Variants in TEX36 observed in about 807,000 individuals in gnomAD.
TEX36 encodes the protein testis expressed 36, also known as testis-expressed protein 36.
Under a neutral mutation model 13.6 loss-of-function variants are expected in TEX36, and 12 were observed. The ratio of observed to expected loss-of-function variants is 0.88; its 90% CI spans 0.56 to 1.43. TEX36 has a LOEUF of 1.43. Among genes scored for constraint, TEX36 ranks in the 40% most tolerant of loss-of-function variants. TEX36 has a pLI of 0.00. For synonymous variants in TEX36, 93 were observed against 83.0 expected, an observed-to-expected ratio of 1.12 and a Z score of -0.65; for missense variants, 224 against 228.3, an observed-to-expected ratio of 0.98 and a Z score of 0.12.
chr10:125,680,736 A>G (rs898718589), intron 1 of TEX36, among the ~76,000 whole-genome samples: 80 of 152,352 alleles, frequency 5.3e-4, no homozygotes, highest in African/African-American at 1.9e-3. Context: ...CTTCATGATC[A>G]GCACTATTCT....
rs544847705 is a variant in TEX36, at chr10:125,647,729, G to GGGGTCAGGGAATTCCCTTTCCT, written c.264+13270_264+13291dup. ...GCATTGCCTCACCCAGGAAGCACAAGGGGTCAGGGAATTCCCTTTCCTAGC... is the reference window on the plus strand; with the variant it reads ...GCATTGCCTCACCCAGGAAGCACAAGGGGTCAGGGAATTCCCTTTCCTGGGTCAGGGAATTCCCTTTCCTAGC... On this transcript the variant is annotated intron_variant, in intron 3 of 3. Transcript: ENST00000526819. Among the ~76,000 whole-genome samples, 705 of 152,232 alleles carry GGGGTCAGGGAATTCCCTTTCCT rather than the reference G, an allele frequency of 4.6e-3. 8 individuals carry two copies. The highest frequency in any genetic ancestry group is 5.7e-3 in the Non-Finnish European group (389 of 68,018).
intron 3 of TEX36, among the ~76,000 whole-genome samples, chr10:125,645,102 G>A (rs76620145): frequency 6.6e-6 from 1 of 152,340 alleles, no homozygotes; most frequent in African/African-American, 2.4e-5. Flanking sequence ...ATTTTAGCCT[G>A]TAAGACCTTG....
Position 125,667,009 on chromosome 10 carries a change from C to T in TEX36, c.52-5032G>A. ...ACTCCTCCTGGGCAGCCTTCAGGTT[C>T]TCCTTCTTCCTGCCCCAGGCCTTCA... is the stretch of plus-strand genomic sequence containing the variant. On this transcript the variant is annotated intron_variant, in intron 1 of 3. Coordinates refer to ENST00000368821, the MANE Select transcript of TEX36 (RefSeq NM_001128202.3). The T allele has an allele frequency of 2.8e-6, 4 of 1,448,382 alleles. No homozygotes were observed. In the South Asian group the frequency reaches 5.2e-5, roughly 19 times the overall value. The allele number at this position is 1,448,382 out of a possible 1,614,324, so 89.7% of individuals were successfully genotyped here. A position where few individuals can be genotyped will look rare whatever the true frequency, so the allele number is the denominator to read the frequency against.
At chr10:125,600,775 C>T (rs1228891747) in intron 3 of TEX36, among the ~76,000 whole-genome samples, 2 of 152,172 alleles carry the variant, frequency 1.3e-5, no homozygotes, top group Non-Finnish European at 2.9e-5. Context: ...CACGGAATGA[C>T]CTGAAAGCCT....
At chr10:125,578,870 G>A (rs1845855053) in intron 3 of TEX36, among the ~76,000 whole-genome samples, 1 of 152,138 alleles carries the variant, frequency 6.6e-6, no homozygotes, top group African/African-American at 2.4e-5. Context: ...ACCCTCATTT[G>A]CAGCCCTGCT....
intron 3 of TEX36, among the ~76,000 whole-genome samples, chr10:125,602,774 T>A (rs933754428): frequency 1.3e-5 from 2 of 152,232 alleles, no homozygotes; most frequent in Non-Finnish European, 2.9e-5. Flanking sequence ...TAAAATTCTA[T>A]GTGTTTATAT....
intron 3 of TEX36, among the ~76,000 whole-genome samples, chr10:125,634,713 A>G (rs1008707495): frequency 1.3e-5 from 2 of 152,190 alleles, no homozygotes; most frequent in Non-Finnish European, 2.9e-5. Context: ...AAAAATCAGA[A>G]GGTTAAAAAA....
intron 3 of TEX36, among the ~76,000 whole-genome samples, chr10:125,613,715 A>G (rs975249220): frequency 6.6e-5 from 10 of 151,872 alleles, no homozygotes; most frequent in African/African-American, 2.4e-4. Flanking sequence ...AGTCTTTGCT[A>G]TTGCGAATAG....
chr10:125,612,301 C>A (rs1846299794), intron 3 of TEX36, among the ~76,000 whole-genome samples: 1 of 142,680 alleles, frequency 7.0e-6, no homozygotes, highest in East Asian at 2.3e-4. Context: ...TCAGGCTGGT[C>A]TTGAATTCCT....
intron 1 of TEX36, chr10:125,667,737 G>T: frequency 1.3e-6 from 1 of 795,022 alleles, no homozygotes; most frequent in Admixed American, 2.0e-5. Flanking sequence ...CCGATGCAGG[G>T]GTTCACGCAG....
chr10:125,647,356 C>T (rs1846786050), intron 3 of TEX36, among the ~76,000 whole-genome samples: 1 of 152,062 alleles, frequency 6.6e-6, no homozygotes, highest in Non-Finnish European at 1.5e-5. Context: ...ATGATGTGTA[C>T]CACACCAAAG....
downstream of TEX36, among the ~76,000 whole-genome samples, chr10:125,617,425 C>A (rs914428114): frequency 6.6e-6 from 1 of 152,094 alleles, no homozygotes; most frequent in Non-Finnish European, 1.5e-5. Context: ...TGGCTGGTAC[C>A]AGTTGTTCCT....
At chr10:125,595,658 C>T (rs546972695) in intron 3 of TEX36, among the ~76,000 whole-genome samples, 3 of 152,316 alleles carry the variant, frequency 2.0e-5, no homozygotes, top group Admixed American at 6.5e-5. Flanking sequence ...ACTCCTGCCT[C>T]AGGGCCTTTG....
At chr10:125,583,466 C>A (rs1191910445) in intron 3 of TEX36, among the ~76,000 whole-genome samples, 1 of 152,152 alleles carries the variant, frequency 6.6e-6, no homozygotes, top group Admixed American at 6.5e-5. Flanking sequence ...ACAAAAGGTT[C>A]TTTTTGTTTT....
At chr10:125,632,715 G>A (rs1164165877) in intron 3 of TEX36, among the ~76,000 whole-genome samples, 1 of 152,192 alleles carries the variant, frequency 6.6e-6, no homozygotes, top group Non-Finnish European at 1.5e-5. Context: ...CTGGCAGTAT[G>A]GGCTGGGGTG....
At chr10:125,602,581 T>C (rs1447432306) in intron 3 of TEX36, among the ~76,000 whole-genome samples, 1 of 152,200 alleles carries the variant, frequency 6.6e-6, no homozygotes, top group East Asian at 1.9e-4. Flanking sequence ...GACTTGTGCT[T>C]GATTCATTCA....
chr10:125,631,411 C>T (rs1012494212), intron 3 of TEX36, among the ~76,000 whole-genome samples: 4 of 152,172 alleles, frequency 2.6e-5, no homozygotes, highest in Admixed American at 6.5e-5. Context: ...GGCTGTATGA[C>T]GGAGGAGAGC....
At chr10:125,648,057 G>A (rs997671503) in intron 3 of TEX36, among the ~76,000 whole-genome samples, 2 of 152,242 alleles carry the variant, frequency 1.3e-5, no homozygotes, top group Admixed American at 6.5e-5. Flanking sequence ...GCCTGCCTCT[G>A]TAGACTTCAC....
intron 3 of TEX36, among the ~76,000 whole-genome samples, chr10:125,657,065 A>T (rs1353234306): frequency 5.3e-5 from 8 of 151,646 alleles, no homozygotes. Context: ...GTGTACTCAA[A>T]ATTGTACATT....
Sources: allele counts gnomAD v4.1 joint callset (sites outside exome capture counted in the v4.1 genomes callset), GRCh38; gene constraint gnomAD v4.1.1; transcripts MANE v1.5; gene names NCBI Gene and HGNC (gene_info 2026-07-23, HGNC 2026-07-21).